Variants in GPD1 observed in about 807,000 individuals in gnomAD.
GPD1 encodes the protein glycerol-3-phosphate dehydrogenase 1.
Under a neutral mutation model 34.4 loss-of-function variants are expected in GPD1, and 19 were observed. The ratio of observed to expected loss-of-function variants is 0.55; its 90% CI spans 0.39 to 0.81. The LOEUF (loss-of-function observed/expected upper bound fraction) is 0.81. Among genes scored for constraint, GPD1 ranks in the 30% least tolerant of loss-of-function variants. The pLI is 0.00. For missense variants in GPD1, 429 were observed against 447.0 expected (o/e 0.96, Z 0.36); for synonymous variants, 172 against 174.1 (o/e 0.99, Z 0.09).
In GPD1 at chr12:50,105,584, G is replaced by A. The variant is rs1346645209; in HGVS notation, c.256G>A (p.Ala86Thr). 2 of 1,614,152 alleles carry A rather than the reference G, an allele frequency of 1.2e-6. No individual in the cohort carries two copies. Among genetic ancestry groups the A allele is most frequent in the South Asian group, 2.2e-5 (2 of 91,084 alleles). ...VPDVVQAAED[A>T]DILIFVVPHQ... ...AGATGTGGTCCAGGCTGCAGAGGAT[G>A]CTGACATCCTGATCTTTGTGGTGCC... Residue 86 changes from alanine (A) to threonine (T), a missense_variant, in exon 3 of 8, where the codon GCT becomes ACT. Physicochemically the swap from Ala to Thr is moderately conservative, Grantham distance 58. Transcript: ENST00000301149.
At position 50,110,408 on chromosome 12, in the gene GPD1, C is replaced by G. The variant is rs1347883691; in HGVS notation, c.*889C>G. The G allele has an allele frequency of 6.5e-6, 1 of 152,966 alleles. No homozygotes were observed. Among genetic ancestry groups the G allele is most frequent in the East Asian group, 1.9e-4 (1 of 5,200 alleles). The allele number at this position is 152,966 out of a possible 1,614,324, so 9.5% of individuals were successfully genotyped here. A position where few individuals can be genotyped will look rare whatever the true frequency, so the allele number is the denominator to read the frequency against. On this transcript the variant is annotated 3_prime_UTR_variant, in exon 8 of 8. Coordinates refer to ENST00000301149, the MANE Select transcript of GPD1 (RefSeq NM_005276.4). ...GCTCCCTGTGACCTTTGTATTCACCCAGGCTTCCTTCTCAGTAGCTCTAGC... is the reference window on the plus strand; with the variant it reads ...GCTCCCTGTGACCTTTGTATTCACCGAGGCTTCCTTCTCAGTAGCTCTAGC...
intron 3 of GPD1, chr12:50,105,905 G>A (rs1377469802): frequency 2.9e-6 from 2 of 698,572 alleles, no homozygotes; most frequent in Non-Finnish European, 5.2e-6. Flanking sequence ...TGGTTTGGAG[G>A]TCCTCTCGGG....
Position 50,104,555 on chromosome 12 carries a change from G to C in GPD1, c.42-19G>C. ...CTGTTCCCTCCTCCTGTACTTTCCT[G>C]TGCTCCCCCTCCCACCAGGGGCTCA... On this transcript the variant is annotated intron_variant, in intron 1 of 7. Transcript: ENST00000301149. The C allele has an allele frequency of 3.7e-6, 6 of 1,605,028 alleles. No individual in the cohort carries two copies. The highest frequency in any genetic ancestry group is 4.3e-6 in the Non-Finnish European group (5 of 1,171,872).
intron 3 of GPD1, 30 bp from the exon 4 acceptor site, chr12:50,106,258 C>T (rs1273897257): frequency 3.2e-6 from 5 of 1,565,650 alleles, no homozygotes; most frequent in Non-Finnish European, 4.3e-6. Context: ...GCCCAAAGGG[C>T]ACCTGGCCTG....
chr12:50,108,061 A>G lies in GPD1; in HGVS notation c.884A>G (p.Gln295Arg), dbSNP rs1950995670. ...CTGGAGAAAGAGTTGCTGAATGGGC[A>G]GAAACTGCAGGGGCCCGAGACAGCC... is the stretch of plus-strand genomic sequence containing the variant. ...EQLEKELLNG[Q>R]KLQGPETARE... is the part of the protein sequence containing the mutation. The change falls in exon 7 of 8, where the codon CAG becomes CGG. Residue 295 changes from glutamine (Q) to arginine (R), a missense_variant. By Grantham distance (43) the Gln-to-Arg change is conservative. Coordinates refer to ENST00000301149, the MANE Select transcript of GPD1 (RefSeq NM_005276.4). 1.9e-6 allele frequency: 3 copies of G among 1,613,240 alleles called. No individual in the cohort carries two copies. The highest frequency in any genetic ancestry group is 2.5e-6 in the Non-Finnish European group (3 of 1,179,532).
Position 50,106,290 on chromosome 12 carries a change from G to T in GPD1, c.363G>T (p.Gly121=). ...ANATGISLIK[G]VDEGPNGLKL... is the part of the protein sequence containing the mutation. ...CCTGAGCTCCATCCTGTGCTCAGGGGGTAGACGAGGGCCCCAATGGGCTGA... is the reference window on the plus strand; with the variant it reads ...CCTGAGCTCCATCCTGTGCTCAGGGTGTAGACGAGGGCCCCAATGGGCTGA... The change falls in exon 4 of 8, where the codon GGG becomes GGT. Residue 121 remains glycine (G), a splice_region_variant and synonymous_variant. Transcript: ENST00000301149. The T allele has an allele frequency of 6.2e-7, 1 of 1,608,884 alleles. No homozygotes were observed. Among genetic ancestry groups the T allele is most frequent in the Non-Finnish European group, 8.5e-7 (1 of 1,178,274 alleles).
chr12:50,108,863 G>A (rs1380205602), intron 7 of GPD1, among the ~76,000 whole-genome samples: 1 of 152,190 alleles, frequency 6.6e-6, no homozygotes, highest in Non-Finnish European at 1.5e-5. Context: ...AAGGCTGGGT[G>A]TGGTGTCTCA....
chr12:50,104,031 T>G lies in GPD1; in HGVS notation c.-20T>G, dbSNP rs1450607963. 6.2e-7 allele frequency: 1 copy of G among 1,613,890 alleles called. No individual in the cohort carries two copies. On this transcript the variant is annotated 5_prime_UTR_variant, in exon 1 of 8. Transcript: ENST00000301149. Reference sequence around the variant, plus strand: ...CTAGGGAGTGTGGCACTGAGCCGGCTCAGGCAGAGACGCGGCACCATGGCT... The same window carrying G: ...CTAGGGAGTGTGGCACTGAGCCGGCGCAGGCAGAGACGCGGCACCATGGCT...
chr12:50,106,444 C>G lies in GPD1; in HGVS notation c.499+18C>G, dbSNP rs762872841. 69 of 1,609,660 alleles carry G rather than the reference C, an allele frequency of 4.3e-5. No individual in the cohort carries two copies. The highest frequency in any genetic ancestry group is 5.7e-5 in the Non-Finnish European group (67 of 1,177,154). ...AACCATTGGTGAGAGCCCCCTGGCA[C>G]CTGCATACACAGTGCATCTAGTTGC... On this transcript the variant is annotated intron_variant, in intron 4 of 7. Transcript: ENST00000301149.
At position 50,110,109 on chromosome 12, in the gene GPD1, G is replaced by C. The variant is rs1244539470; in HGVS notation, c.*590G>C. The C allele has an allele frequency of 6.6e-6, 1 of 152,602 alleles. No homozygotes were observed. The highest frequency in any genetic ancestry group is 1.5e-5 in the Non-Finnish European group (1 of 68,100). The allele number at this position is 152,602 out of a possible 1,614,324, so 9.5% of individuals were successfully genotyped here. ...AACAAACCCCTTTTAGCTTCTCCTA[G>C]CAACATCTGTGTCCTCAGAAACCTC... On this transcript the variant is annotated 3_prime_UTR_variant, in exon 8 of 8. Coordinates refer to ENST00000301149, the MANE Select transcript of GPD1 (RefSeq NM_005276.4).
Position 50,104,045 on chromosome 12 carries a change from G to C in GPD1, c.-6G>C, listed in dbSNP as rs201892632. The stretch of plus-strand genomic sequence containing the variant: ...ACTGAGCCGGCTCAGGCAGAGACGC[G>C]GCACCATGGCTAGCAAGAAAGTCTG... On this transcript the variant is annotated 5_prime_UTR_variant, in exon 1 of 8. Transcript: ENST00000301149. 1 of 1,614,064 alleles carries C rather than the reference G, an allele frequency of 6.2e-7. No individual in the cohort carries two copies. The highest frequency in any genetic ancestry group is 2.2e-5 in the East Asian group (1 of 44,878).
chr12:50,105,504 A>G (rs1328366469), intron 2 of GPD1, 44 bp from the exon 3 acceptor site: 3 of 1,591,552 alleles, frequency 1.9e-6, no homozygotes, highest in South Asian at 2.3e-5. Context: ...CACAGGGGCT[A>G]GGGGAGGTCT....
In GPD1 at chr12:50,108,114, A is replaced by G. The variant is rs1402362656; in HGVS notation, c.937A>G (p.Lys313Glu). 2.4e-5 allele frequency: 38 copies of G among 1,603,258 alleles called. No individual in the cohort carries two copies. The highest frequency in any genetic ancestry group is 3.2e-5 in the Non-Finnish European group (38 of 1,170,750). The change falls in exon 7 of 8, where the codon AAG becomes GAG. Residue 313 changes from lysine to glutamate, a missense_variant. By Grantham distance (56) the Lys-to-Glu change is moderately conservative (BLOSUM62 1). Coordinates refer to ENST00000301149, the MANE Select transcript of GPD1 (RefSeq NM_005276.4). ...ARELYSILQH[K>E]GLVDKFPLFM... ...GGAGCTATACAGCATCCTCCAGCAC[A>G]AGGGCCTGGTAGACAAGTAAGTATT...
At position 50,105,693 on chromosome 12, in the gene GPD1, C is replaced by T; in HGVS notation, c.360+5C>T. 2 of 1,613,956 alleles carry T rather than the reference C, an allele frequency of 1.2e-6. No individual in the cohort carries two copies. Among genetic ancestry groups the T allele is most frequent in the South Asian group, 1.1e-5 (1 of 91,060 alleles). Reference sequence around the variant, plus strand: ...ACTGGCATATCTCTTATTAAGGTGCCAGGGACACCTTCATGTGGATGGGGG... The same window carrying T: ...ACTGGCATATCTCTTATTAAGGTGCTAGGGACACCTTCATGTGGATGGGGG... On this transcript the variant is annotated splice_donor_5th_base_variant and intron_variant, in intron 3 of 7. Coordinates refer to ENST00000301149, the MANE Select transcript of GPD1 (RefSeq NM_005276.4).
At chr12:50,104,155 G>A in intron 1 of GPD1, 64 bp downstream of exon 1, 5 of 1,468,066 alleles carry the variant, frequency 3.4e-6, no homozygotes, top group Non-Finnish European at 4.8e-6. Context: ...GTGGGTAGGA[G>A]GCAGAATGGG....
chr12:50,106,239 C>A (rs375505994), intron 3 of GPD1, 49 bp from the exon 4 acceptor site: 126 of 1,522,478 alleles, frequency 8.3e-5, no homozygotes, highest in Non-Finnish European at 1.0e-4. Context: ...GGCGGAAGCC[C>A]GCAGGTGGGC....
intron 3 of GPD1, chr12:50,105,889 C>T (rs1178890658): frequency 1.6e-5 from 11 of 706,864 alleles, no homozygotes; most frequent in South Asian, 6.0e-5. Context: ...AGGGAGGAGA[C>T]GAGATTGGTT....
intron 5 of GPD1, chr12:50,107,290 T>G (rs1950986133): frequency 3.0e-6 from 2 of 657,956 alleles, no homozygotes; most frequent in Non-Finnish European, 5.6e-6. Flanking sequence ...GCTGTTGACT[T>G]GAGGGCTGTA....
At chr12:50,104,468 A>T in intron 1 of GPD1, 106 bp from the exon 2 acceptor site, 1 of 851,810 alleles carries the variant, frequency 1.2e-6, no homozygotes, top group East Asian at 2.5e-5. Context: ...GGTAGGTAGG[A>T]GTGAACAGCC....
Sources: allele counts gnomAD v4.1 joint callset (sites outside exome capture counted in the v4.1 genomes callset), GRCh38; gene constraint gnomAD v4.1.1; transcripts MANE v1.5; gene names NCBI Gene and HGNC (gene_info 2026-07-23, HGNC 2026-07-21).